Variants in SLC9A9 observed in about 807,000 individuals in gnomAD.
SLC9A9 encodes sodium/hydrogen exchanger 9.
Under a neutral mutation model 77.8 loss-of-function variants are expected in SLC9A9, and 62 were observed. The observed-to-expected ratio is 0.80, with a 90% CI of 0.65 to 0.98. SLC9A9 has a LOEUF of 0.98. SLC9A9 is among the 50% of genes least tolerant of loss of function. The pLI, the probability that SLC9A9 is intolerant of heterozygous loss-of-function variation, is 0.00. For missense variants in SLC9A9, 775 were observed against 774.9 expected, an observed-to-expected ratio of 1.00 and a Z score of 0.00; for synonymous variants, 320 against 283.5, an observed-to-expected ratio of 1.13 and a Z score of -1.29.
intron 14 of SLC9A9, among the ~76,000 whole-genome samples, chr3:143,288,229 GA>G (rs377114550): frequency 4.7e-5 from 7 of 149,652 alleles, no homozygotes; most frequent in African/African-American, 1.7e-4. Context: ...AGAGTATAGG[GA>G]AAAAAAAGCT....
intron 8 of SLC9A9, among the ~76,000 whole-genome samples, chr3:143,565,960 C>G (rs2037160962): frequency 6.6e-6 from 1 of 152,094 alleles, no homozygotes. Flanking sequence ...CCCATCCAGT[C>G]ATGCAGTGCA....
intron 4 of SLC9A9, among the ~76,000 whole-genome samples, chr3:143,765,811 A>C (rs1008039288): frequency 1.3e-5 from 2 of 152,142 alleles, no homozygotes; most frequent in African/African-American, 4.8e-5. Context: ...GTCCTCTCTG[A>C]CTGTAGCCTC....
At chr3:143,747,679 C>G (rs1935228007) in intron 4 of SLC9A9, among the ~76,000 whole-genome samples, 1 of 152,142 alleles carries the variant, frequency 6.6e-6, no homozygotes, top group Non-Finnish European at 1.5e-5. Flanking sequence ...AAGAAGAAAA[C>G]AAGAACAAGT....
At chr3:143,430,461 C>T (rs1160309731) in intron 12 of SLC9A9, among the ~76,000 whole-genome samples, 1 of 152,208 alleles carries the variant, frequency 6.6e-6, no homozygotes, top group Non-Finnish European at 1.5e-5. Context: ...AGGGCCTGGT[C>T]CCTACTGTTG....
At chr3:143,611,669 T>A (rs2038024082) in intron 6 of SLC9A9, among the ~76,000 whole-genome samples, 1 of 152,108 alleles carries the variant, frequency 6.6e-6, no homozygotes, top group Non-Finnish European at 1.5e-5. Flanking sequence ...TCAGAGTGGA[T>A]CTTGGATGGA....
At chr3:143,635,401 C>T (rs745583989) in intron 6 of SLC9A9, among the ~76,000 whole-genome samples, 26 of 152,164 alleles carry the variant, frequency 1.7e-4, no homozygotes, top group Non-Finnish European at 3.2e-4. Context: ...ATAGGAGTGT[C>T]AATGAATTTG....
intron 14 of SLC9A9, among the ~76,000 whole-genome samples, chr3:143,302,440 TAATA>T (rs1226051082): frequency 3.9e-5 from 6 of 152,164 alleles, no homozygotes; most frequent in Non-Finnish European, 8.8e-5. Flanking sequence ...GTGTTTGTAT[TAATA>T]AATATTAAGA....
intron 12 of SLC9A9, among the ~76,000 whole-genome samples, chr3:143,396,340 G>T (rs1005812216): frequency 2.4e-5 from 3 of 126,882 alleles, no homozygotes; most frequent in East Asian, 4.6e-4. Context: ...GCAAACTATC[G>T]CAAGGATAAA....
At chr3:143,493,565 A>G (rs985064929) in intron 11 of SLC9A9, 88 bp downstream of exon 11, 19 of 1,220,328 alleles carry the variant, frequency 1.6e-5, no homozygotes, top group African/African-American at 4.5e-5. Flanking sequence ...TGTTTCCCCA[A>G]AAGGGTTCTA....
At chr3:143,306,351 T>C (rs1182105614) in intron 14 of SLC9A9, among the ~76,000 whole-genome samples, 1 of 152,246 alleles carries the variant, frequency 6.6e-6, no homozygotes. Flanking sequence ...GCCTGTACTG[T>C]GAACCTGTCT....
intron 8 of SLC9A9, among the ~76,000 whole-genome samples, 181 bp downstream of exon 8, chr3:143,573,907 A>C (rs773381182): frequency 2.6e-5 from 4 of 152,152 alleles, no homozygotes; most frequent in Non-Finnish European, 5.9e-5. Context: ...TACAAAATGG[A>C]TGAATTACTA....
intron 2 of SLC9A9, among the ~76,000 whole-genome samples, chr3:143,805,776 T>C (rs566347281): frequency 3.3e-5 from 5 of 152,194 alleles, no homozygotes; most frequent in East Asian, 1.9e-4. Context: ...TAATTTTCCA[T>C]TACCTACCCA....
chr3:143,317,728 T>A (rs908442720), intron 14 of SLC9A9, among the ~76,000 whole-genome samples: 1 of 113,118 alleles, frequency 8.8e-6, no homozygotes, highest in Admixed American at 8.9e-5. Context: ...TGTTCTATGT[T>A]CCATTTTCTT....
intron 12 of SLC9A9, among the ~76,000 whole-genome samples, chr3:143,390,973 C>T (rs942051089): frequency 4.6e-5 from 7 of 152,214 alleles, no homozygotes; most frequent in Non-Finnish European, 1.0e-4. Flanking sequence ...TAGGTGGAGC[C>T]CACCGCAGCT....
rs112885286 is a variant in SLC9A9, at chr3:143,738,137, C to G, written c.534-44830G>C. Among the ~76,000 whole-genome samples the G allele has an allele frequency of 3.3e-5, 5 of 152,294 alleles. 1 individual carries two copies. Among genetic ancestry groups the G allele is most frequent in the African/African-American group, 1.2e-4 (5 of 41,560 alleles). On this transcript the variant is annotated intron_variant, in intron 4 of 15. Transcript: ENST00000316549. ...ATATTTTGCCATCTAGTGAGATGCT[C>G]TATTGCTAGACTTGGGAGACAGGAA...
intron 1 of SLC9A9, among the ~76,000 whole-genome samples, chr3:143,840,396 A>G (rs1467070590): frequency 6.6e-6 from 1 of 152,192 alleles, no homozygotes; most frequent in South Asian, 2.1e-4. Flanking sequence ...AGTTTAACTA[A>G]CATATGATGA....
chr3:143,415,641 T>C (rs962861083), intron 12 of SLC9A9, among the ~76,000 whole-genome samples: 3 of 152,244 alleles, frequency 2.0e-5, no homozygotes, highest in African/African-American at 7.2e-5. Context: ...TCATTGACAA[T>C]GCACCTAGTC....
At chr3:143,736,177 C>T (rs1576691314) in intron 4 of SLC9A9, among the ~76,000 whole-genome samples, 1 of 152,270 alleles carries the variant, frequency 6.6e-6, no homozygotes, top group Non-Finnish European at 1.5e-5. Context: ...TACTCTGTTC[C>T]TAACTCTCTA....
intron 9 of SLC9A9, among the ~76,000 whole-genome samples, chr3:143,533,289 G>A (rs1243048833): frequency 6.6e-6 from 1 of 152,180 alleles, no homozygotes; most frequent in East Asian, 1.9e-4. Flanking sequence ...GCAGACCCAG[G>A]CTGAGAACCC....
Sources: allele counts gnomAD v4.1 joint callset (sites outside exome capture counted in the v4.1 genomes callset), GRCh38; gene constraint gnomAD v4.1.1; transcripts MANE v1.5; gene names NCBI Gene and HGNC (gene_info 2026-07-23, HGNC 2026-07-21).